DOK6: variants seen among roughly 807,000 people sequenced by gnomAD.
The protein encoded by DOK6 is downstream of tyrosine kinase 6.
DOK6 carries 22 observed loss-of-function variants against 44.0 expected under a neutral mutation model. The observed-to-expected ratio is 0.50, with a 90% CI of 0.36 to 0.71. The LOEUF is 0.71. Among genes scored for constraint, DOK6 ranks in the 30% least tolerant of loss-of-function variants. The pLI is 0.00. For synonymous variants in DOK6, 166 were observed against 145.5 expected (o/e 1.14, Z -1.01); for missense variants, 340 against 416.4 (o/e 0.82, Z 1.60).
At position 69,435,025 on chromosome 18, in the gene DOK6, G is replaced by GGGAGGGAAGGAAGGAC. The variant is rs1978926067; in HGVS notation, c.66+33718_66+33719insGGGAAGGAAGGACGGA. ...GAAGAAAGATTAGTGTAGGGAGGGA[G>GGGAGGGAAGGAAGGAC]GGAAGGAAGGAAGGAAGGAAGGAAG... On this transcript the variant is annotated intron_variant, in intron 1 of 7. Transcript: ENST00000382713. 5.0e-3 allele frequency among the ~76,000 whole-genome samples: 364 copies of GGGAGGGAAGGAAGGAC among 72,328 alleles called. 12 individuals carry two copies. The highest frequency in any genetic ancestry group is 9.9e-3 in the African/African-American group (192 of 19,426). The allele number at this position is 72,328 out of a possible 152,430, so 47.4% of individuals were successfully genotyped here. A position where few individuals can be genotyped will look rare whatever the true frequency, so the allele number is the denominator to read the frequency against.
intron 3 of DOK6, among the ~76,000 whole-genome samples, chr18:69,652,892 G>A (rs1023398365): frequency 6.6e-6 from 1 of 151,984 alleles, no homozygotes; most frequent in East Asian, 1.9e-4. Flanking sequence ...AATCAGTTTC[G>A]AATAGTAAGG....
intron 1 of DOK6, among the ~76,000 whole-genome samples, chr18:69,530,864 T>C (rs957834725): frequency 2.0e-5 from 3 of 152,116 alleles, no homozygotes; most frequent in African/African-American, 4.8e-5. Flanking sequence ...GACAGTGGGG[T>C]GTTAAAGTCT....
chr18:69,589,790 C>T (rs1983584018), intron 2 of DOK6, among the ~76,000 whole-genome samples: 1 of 152,008 alleles, frequency 6.6e-6, no homozygotes, highest in South Asian at 2.1e-4. Flanking sequence ...TTATATATTC[C>T]AAATTTTACC....
At chr18:69,567,112 G>T (rs983697418) in intron 2 of DOK6, among the ~76,000 whole-genome samples, 1 of 152,082 alleles carries the variant, frequency 6.6e-6, no homozygotes, top group East Asian at 1.9e-4. Flanking sequence ...TCTGTGAATC[G>T]TCAAAACATG....
In DOK6 at chr18:69,599,476, G is replaced by T. The variant is rs766192217; in HGVS notation, c.267G>T (p.Ser89=). The T allele has an allele frequency of 2.5e-6, 4 of 1,613,730 alleles. No individual in the cohort carries two copies. The highest frequency in any genetic ancestry group is 2.5e-6 in the Non-Finnish European group (3 of 1,179,880). Residue 89 remains serine (S), a synonymous_variant, in exon 3 of 8, where the codon TCG becomes TCT. Transcript: ENST00000382713. ...AVAIIFHDET[S]KTFACESELE... is the part of the protein sequence containing the mutation. ...CAATCATCTTTCACGATGAAACATC[G>T]AAGACATTTGCCTGTGAGTCAGGTA... is the stretch of plus-strand genomic sequence containing the variant.
At position 69,652,344 on chromosome 18, in the gene DOK6, C is replaced by T. The variant is rs572379193; in HGVS notation, c.290-25390C>T. ...TGTTTTAACTCCTGGTTTTAAAAGA[C>T]GAATATTCCACATAAATACGAGATG... On this transcript the variant is annotated intron_variant, in intron 3 of 7. Transcript: ENST00000382713. 7.7e-4 allele frequency among the ~76,000 whole-genome samples: 117 copies of T among 152,212 alleles called. 1 individual carries two copies. Among genetic ancestry groups the T allele is most frequent in the African/African-American group, 2.2e-3 (91 of 41,532 alleles).
chr18:69,582,284 T>C (rs1379055717), intron 2 of DOK6, among the ~76,000 whole-genome samples: 1 of 152,218 alleles, frequency 6.6e-6, no homozygotes, highest in African/African-American at 2.4e-5. Context: ...TTGGGTTTTC[T>C]ATGATTTAAA....
chr18:69,809,208 A>G (rs1239772358), intron 7 of DOK6, among the ~76,000 whole-genome samples: 1 of 151,700 alleles, frequency 6.6e-6, no homozygotes, highest in Admixed American at 6.6e-5. Flanking sequence ...AAAATTATAT[A>G]ATCATCTCAG....
At chr18:69,485,017 A>G (rs900316542) in intron 1 of DOK6, among the ~76,000 whole-genome samples, 1 of 152,126 alleles carries the variant, frequency 6.6e-6, no homozygotes, top group Non-Finnish European at 1.5e-5. Context: ...TCTTTCTGAG[A>G]AAGTGCAGTG....
chr18:69,471,144 G>A (rs898701997), intron 1 of DOK6, among the ~76,000 whole-genome samples: 1 of 149,388 alleles, frequency 6.7e-6, no homozygotes, highest in South Asian at 2.1e-4. Context: ...AGCTACTCGG[G>A]AAGCTGGAGG....
chr18:69,637,064 C>T (rs952185762), intron 3 of DOK6, among the ~76,000 whole-genome samples: 1 of 152,192 alleles, frequency 6.6e-6, no homozygotes, highest in African/African-American at 2.4e-5. Context: ...CACTCTGGGA[C>T]CCTGGGTCAT....
At chr18:69,519,840 T>C (rs971280054) in intron 1 of DOK6, among the ~76,000 whole-genome samples, 4 of 151,908 alleles carry the variant, frequency 2.6e-5, no homozygotes, top group African/African-American at 9.7e-5. Flanking sequence ...TTAATACTCA[T>C]AACTGTATTA....
chr18:69,700,902 C>T, intron 5 of DOK6, among the ~76,000 whole-genome samples: 1 of 152,152 alleles, frequency 6.6e-6, no homozygotes, highest in East Asian at 1.9e-4. Context: ...AAGGCCAACA[C>T]TTTCTAGGTT....
chr18:69,534,149 G>C (rs2144575673), intron 1 of DOK6, among the ~76,000 whole-genome samples: 1 of 152,218 alleles, frequency 6.6e-6, no homozygotes, highest in Non-Finnish European at 1.5e-5. Flanking sequence ...CTAGTAACTT[G>C]CCTGTAGTCC....
At chr18:69,494,596 A>G (rs1334082278) in intron 1 of DOK6, among the ~76,000 whole-genome samples, 1 of 152,160 alleles carries the variant, frequency 6.6e-6, no homozygotes, top group African/African-American at 2.4e-5. Flanking sequence ...TTACTGACAA[A>G]TTATTTCTTC....
At chr18:69,482,814 G>A (rs951196463) in intron 1 of DOK6, among the ~76,000 whole-genome samples, 1 of 151,836 alleles carries the variant, frequency 6.6e-6, no homozygotes, top group Non-Finnish European at 1.5e-5. Flanking sequence ...AGAAATATGA[G>A]TTCTGTAATT....
At chr18:69,640,901 C>T (rs961333709) in intron 3 of DOK6, among the ~76,000 whole-genome samples, 4 of 152,094 alleles carry the variant, frequency 2.6e-5, no homozygotes, top group Non-Finnish European at 4.4e-5. Context: ...TGCTTCAAAA[C>T]GTGCTTTCTG....
At chr18:69,647,300 G>A (rs1414818571) in intron 3 of DOK6, 1 of 151,850 alleles carries the variant, frequency 6.6e-6, no homozygotes, top group African/African-American at 2.4e-5. Flanking sequence ...TTATTTCTTG[G>A]TTATGCTAGA....
At chr18:69,680,616 C>G (rs899946071) in intron 4 of DOK6, among the ~76,000 whole-genome samples, 1 of 152,188 alleles carries the variant, frequency 6.6e-6, no homozygotes. Context: ...GACAACTATA[C>G]ACACACAGAG....
Sources: allele counts gnomAD v4.1 joint callset (sites outside exome capture counted in the v4.1 genomes callset), GRCh38; gene constraint gnomAD v4.1.1; transcripts MANE v1.5; gene names NCBI Gene and HGNC (gene_info 2026-07-23, HGNC 2026-07-21).